The following UBE2N variants were observed in gnomAD, a reference collection of about 807,000 sequenced individuals.
UBE2N encodes the protein ubiquitin-conjugating enzyme E2 N.
For missense variants in UBE2N, 60 were observed against 192.1 expected (o/e 0.31, Z 4.07); for synonymous variants, 70 against 69.2 (o/e 1.01, Z -0.06).
chr12:93,414,295 T>C (rs1474683655), intron 1 of UBE2N, among the ~76,000 whole-genome samples: 3 of 143,384 alleles, frequency 2.1e-5, no homozygotes, highest in East Asian at 2.1e-4. Context: ...ACTAAAAATA[T>C]AAAATTAGCT....
In UBE2N at chr12:93,407,506, G is replaced by A. The variant is rs1877884045; in HGVS notation, c.*2533C>T. On this transcript the variant is annotated 3_prime_UTR_variant, in exon 4 of 4. Transcript: ENST00000318066. ...AGGACTAGCAGGTGTGCTCGGAGGG[G>A]ACTCTAGCCAACTGGAGAGTAACTG... 2 of 152,252 alleles carry A rather than the reference G, an allele frequency of 1.3e-5. No individual in the cohort carries two copies. The highest frequency in any genetic ancestry group is 2.9e-5 in the Non-Finnish European group (2 of 68,078). The allele number at this position is 152,252 out of a possible 1,614,324, so 9.4% of individuals were successfully genotyped here.
intron 1 of UBE2N, 75 bp downstream of exon 1, chr12:93,441,780 C>A (rs1175373515): frequency 2.0e-5 from 31 of 1,553,904 alleles, no homozygotes; most frequent in Non-Finnish European, 2.6e-5. Context: ...CCGAAGGAGG[C>A]GAGAGGCCGC....
At chr12:93,416,482 C>T (rs1878213850) in intron 1 of UBE2N, among the ~76,000 whole-genome samples, 1 of 150,156 alleles carries the variant, frequency 6.7e-6, no homozygotes, top group African/African-American at 2.4e-5. Flanking sequence ...AAGTCTCGCT[C>T]TCTTGCCCAG....
rs1253389720 is a variant in UBE2N, at chr12:93,407,247, T to C, written c.*2792A>G. The C allele has an allele frequency of 6.6e-6, 1 of 152,348 alleles. No individual in the cohort carries two copies. The highest frequency in any genetic ancestry group is 1.5e-5 in the Non-Finnish European group (1 of 68,160). 9.4% of individuals were successfully genotyped at this position (152,348 alleles called of 1,614,324 possible). ...TGTTCCCTCTGCCTGGAGATGTTCA[T>C]CTGGCCTGAATCCAAAAGTCTGTCC... is the stretch of plus-strand genomic sequence containing the variant. On this transcript the variant is annotated 3_prime_UTR_variant, in exon 4 of 4. Transcript: ENST00000318066.
chr12:93,428,962 G>T (rs1878670063), intron 1 of UBE2N, among the ~76,000 whole-genome samples: 1 of 152,118 alleles, frequency 6.6e-6, no homozygotes, highest in Non-Finnish European at 1.5e-5. Flanking sequence ...CAGGGTCCTG[G>T]ACAGTGCACT....
At chr12:93,441,524 G>A (rs1879108441) in intron 1 of UBE2N, among the ~76,000 whole-genome samples, 1 of 152,006 alleles carries the variant, frequency 6.6e-6, no homozygotes, top group African/African-American at 2.4e-5. Context: ...GGTGGTCTCA[G>A]AAGCTATGGA....
intron 2 of UBE2N, 55 bp from the exon 3 acceptor site, chr12:93,410,929 T>G (rs185255612): frequency 1.2e-6 from 2 of 1,613,736 alleles, no homozygotes; most frequent in East Asian, 2.2e-5. Context: ...GGCCCAGAAC[T>G]GCTTCACTTC....
intron 1 of UBE2N, among the ~76,000 whole-genome samples, chr12:93,411,942 T>C (rs1878044541): frequency 6.6e-6 from 1 of 152,154 alleles, no homozygotes; most frequent in African/African-American, 2.4e-5. Context: ...TTTGCTCGCC[T>C]TGGCTTCCCA....
chr12:93,434,647 T>C (rs550166965), intron 1 of UBE2N, among the ~76,000 whole-genome samples: 1 of 152,272 alleles, frequency 6.6e-6, no homozygotes, highest in South Asian at 2.1e-4. Context: ...ATTCTTAACA[T>C]GGAGCACATG....
chr12:93,422,874 T>C (rs924869586), intron 1 of UBE2N, among the ~76,000 whole-genome samples: 2 of 152,222 alleles, frequency 1.3e-5, no homozygotes, highest in African/African-American at 4.8e-5. Flanking sequence ...CTCCCACTCT[T>C]TAGTATAATG....
intron 2 of UBE2N, 83 bp from the exon 3 acceptor site, chr12:93,410,957 T>C (rs1219069922): frequency 6.2e-7 from 1 of 1,613,742 alleles, no homozygotes; most frequent in South Asian, 1.1e-5. Context: ...CAGACCTCTC[T>C]GATCTTTGTA....
chr12:93,436,989 C>T (rs1049072193), intron 1 of UBE2N, among the ~76,000 whole-genome samples: 2 of 152,042 alleles, frequency 1.3e-5, no homozygotes, highest in African/African-American at 2.4e-5. Flanking sequence ...AGGCCAGGCA[C>T]GGTGGTTCAT....
intron 1 of UBE2N, among the ~76,000 whole-genome samples, chr12:93,417,720 C>G (rs968526636): frequency 6.6e-6 from 1 of 152,092 alleles, no homozygotes; most frequent in Non-Finnish European, 1.5e-5. Flanking sequence ...TGTTAAAAAA[C>G]TGAGTGATGC....
rs1019258241 is a variant in UBE2N, at chr12:93,413,958, T to A, written c.31-2659A>T. 2.6e-5 allele frequency among the ~76,000 whole-genome samples: 4 copies of A among 151,804 alleles called. 1 individual carries two copies. Among genetic ancestry groups the A allele is most frequent in the African/African-American group, 9.7e-5 (4 of 41,294 alleles). On this transcript the variant is annotated intron_variant, in intron 1 of 3. Transcript: ENST00000318066. ...GGGTGGATCACCTCAGGTCAGGAGT[T>A]CGAGACCAGCCTGATCAACATGGAG...
chr12:93,439,661 T>G (rs547028907), intron 1 of UBE2N, among the ~76,000 whole-genome samples: 18 of 151,228 alleles, frequency 1.2e-4, no homozygotes, highest in South Asian at 2.1e-4. Context: ...AAATTCTGAT[T>G]TTTTTTAAAG....
intron 1 of UBE2N, among the ~76,000 whole-genome samples, chr12:93,413,426 C>A (rs991759494): frequency 2.0e-5 from 3 of 152,140 alleles, no homozygotes; most frequent in African/African-American, 7.2e-5. Flanking sequence ...ACTAAACACA[C>A]TCTATAAGCT....
At chr12:93,437,291 T>C (rs1036674634) in intron 1 of UBE2N, among the ~76,000 whole-genome samples, 3 of 151,308 alleles carry the variant, frequency 2.0e-5, no homozygotes, top group South Asian at 2.1e-4. Context: ...ATGTATATAG[T>C]GTACTATGAT....
chr12:93,429,743 T>C (rs772878264), intron 1 of UBE2N, among the ~76,000 whole-genome samples: 7 of 152,012 alleles, frequency 4.6e-5, no homozygotes, highest in African/African-American at 7.3e-5. Context: ...ATAGGCCTAA[T>C]ATGTGTGTGT....
intron 1 of UBE2N, among the ~76,000 whole-genome samples, chr12:93,422,233 G>A (rs954373594): frequency 4.6e-5 from 7 of 152,002 alleles, no homozygotes; most frequent in African/African-American, 7.3e-5. Context: ...TAGTAGACTC[G>A]TGGCAGTCAA....
Sources: allele counts gnomAD v4.1 joint callset (sites outside exome capture counted in the v4.1 genomes callset), GRCh38; gene constraint gnomAD v4.1.1; transcripts MANE v1.5; gene names NCBI Gene and HGNC (gene_info 2026-07-23, HGNC 2026-07-21).